The following CACNA1C variants were observed in gnomAD, a reference collection of about 807,000 sequenced individuals.
CACNA1C encodes voltage-dependent L-type calcium channel subunit alpha-1C.
CACNA1C carries 30 observed loss-of-function variants against 229.0 expected under a neutral mutation model. The observed-to-expected ratio is 0.13, with a 90% CI of 0.10 to 0.18. CACNA1C has a LOEUF of 0.18. Ranked by LOEUF, CACNA1C falls within the 10% of genes least tolerant of loss-of-function variation. The probability of loss-of-function intolerance (pLI) is 1.00; values close to 1 mark genes in which losing one functional copy is unlikely to be tolerated. For synonymous variants in CACNA1C, 1,114 were observed against 1,132.5 expected (o/e 0.98, Z 0.33); for missense variants, 1,658 against 2,845.0 (o/e 0.58, Z 9.49).
At chr12:2,103,398 C>T (rs1393908437) in intron 1 of CACNA1C, among the ~76,000 whole-genome samples, 1 of 152,148 alleles carries the variant, frequency 6.6e-6, no homozygotes, top group African/African-American at 2.4e-5. Context: ...AGTGTCTGTT[C>T]ATATCCTTTA....
chr12:2,195,659 C>T (rs563518227), intron 3 of CACNA1C, among the ~76,000 whole-genome samples: 27 of 152,200 alleles, frequency 1.8e-4, no homozygotes, highest in Non-Finnish European at 3.8e-4. Context: ...GATGGATGAG[C>T]ATCCTAAACA....
chr12:2,193,890 T>C (rs1465547346), intron 3 of CACNA1C, among the ~76,000 whole-genome samples: 1 of 152,198 alleles, frequency 6.6e-6, no homozygotes, highest in African/African-American at 2.4e-5. Flanking sequence ...TGTCTTGGTA[T>C]TGAAGACAGT....
intron 45 of CACNA1C, among the ~76,000 whole-genome samples, chr12:2,687,337 C>T (rs1025667471): frequency 3.3e-5 from 5 of 152,202 alleles, no homozygotes; most frequent in African/African-American, 1.2e-4. Context: ...CTCTTCATCT[C>T]TTTCTCCTCC....
intron 1 of CACNA1C, among the ~76,000 whole-genome samples, chr12:2,023,436 G>A (rs2046801505): frequency 6.6e-6 from 1 of 152,124 alleles, no homozygotes; most frequent in South Asian, 2.1e-4. Context: ...CCTGTCACAG[G>A]AAATTTATGG....
At chr12:2,309,267 T>C (rs1400000945) in intron 3 of CACNA1C, among the ~76,000 whole-genome samples, 2 of 152,134 alleles carry the variant, frequency 1.3e-5, no homozygotes, top group Non-Finnish European at 2.9e-5. Flanking sequence ...GTGATCTCAA[T>C]TGTATGTGGA....
At position 2,443,484 on chromosome 12, in the gene CACNA1C, T is replaced by C. The variant is rs142231298; in HGVS notation, c.478-5492T>C. ...TCATTCTCTCTTCTGCAGTTGTTCG[T>C]ACCTCCTCTACACTATCCAACCTTA... On this transcript the variant is annotated intron_variant, in intron 3 of 46. Coordinates refer to ENST00000399655, the MANE Select transcript of CACNA1C (RefSeq NM_000719.7). 8.3e-4 allele frequency among the ~76,000 whole-genome samples: 126 copies of C among 152,228 alleles called. 1 individual carries two copies. In the South Asian group the frequency reaches 0.02, roughly 24 times the overall value.
Position 2,275,349 on chromosome 12 carries a change from C to T in CACNA1C, c.477+154919C>T, listed in dbSNP as rs968676459. Among the ~76,000 whole-genome samples the T allele has an allele frequency of 3.3e-5, 5 of 152,140 alleles. No homozygotes were observed. Among genetic ancestry groups the T allele is most frequent in the Non-Finnish European group, 7.4e-5 (5 of 68,018 alleles). On this transcript the variant is annotated intron_variant, in intron 3 of 46. Coordinates refer to ENST00000399655, the MANE Select transcript of CACNA1C (RefSeq NM_000719.7). The surrounding 1 kb of genome is among the most constrained non-coding windows in gnomAD (Gnocchi z 4.1). ...CTGTCTGTGGACCCCGACTCCTCAC[C>T]ATCACCCAACAGGGGACAGTCCTGC...
At position 2,601,707 on chromosome 12, in the gene CACNA1C, C is replaced by G. The variant is rs143255332; in HGVS notation, c.2854-147C>G. ...GGTAGCAGAACTCTTTTCTTGGCAC[C>G]ATAGCGCCGTCTTTGTCCTTCCTGT... is the stretch of plus-strand genomic sequence containing the variant. On this transcript the variant is annotated intron_variant, in intron 21 of 46. Transcript: ENST00000399655. This position sits in a 1 kb window ranked among gnomAD's most constrained non-coding sequence, Gnocchi z 5.9. 1.5e-6 allele frequency: 1 copy of G among 665,934 alleles called. No individual in the cohort carries two copies. The highest frequency in any genetic ancestry group is 1.8e-5 in the African/African-American group (1 of 56,408). 41.3% of individuals were successfully genotyped at this position (665,934 alleles called of 1,614,324 possible).
intron 3 of CACNA1C, among the ~76,000 whole-genome samples, chr12:2,163,796 G>A (rs530153261): frequency 1.4e-4 from 22 of 152,244 alleles, no homozygotes; most frequent in Admixed American, 1.1e-3. Flanking sequence ...ATGGCTCGGC[G>A]GGGTCACGGC....
At chr12:2,002,205 TC>T (rs2154479404) in intron 1 of CACNA1C, among the ~76,000 whole-genome samples, 1 of 152,216 alleles carries the variant, frequency 6.6e-6, no homozygotes, top group Non-Finnish European at 1.5e-5. Context: ...CTCCTTAAGA[TC>T]CCCCCTGCCT....
intron 1 of CACNA1C, among the ~76,000 whole-genome samples, chr12:2,082,325 C>T (rs1311235753): frequency 6.6e-6 from 1 of 152,114 alleles, no homozygotes; most frequent in Non-Finnish European, 1.5e-5. Flanking sequence ...CCCGCTTTTC[C>T]CCTCTCACAC....
chr12:2,444,320 A>G (rs1275533857), intron 3 of CACNA1C, among the ~76,000 whole-genome samples: 1 of 152,184 alleles, frequency 6.6e-6, no homozygotes, highest in Non-Finnish European at 1.5e-5. Flanking sequence ...TTAATTAGAT[A>G]ACCTTTAAGT....
At position 2,649,712 on chromosome 12, in the gene CACNA1C, C is replaced by T. The variant is rs2094736685; in HGVS notation, c.3945+1205C>T. The stretch of plus-strand genomic sequence containing the variant: ...TTGTTTGTTTATTTTGTTTTTTTAA[C>T]TGAGCAGATCCAGATGCCCCTGTGG... On this transcript the variant is annotated intron_variant, in intron 31 of 46. Transcript: ENST00000399655. The surrounding 1 kb of genome is among the most constrained non-coding windows in gnomAD (Gnocchi z 4.4). Among the ~76,000 whole-genome samples, 2 of 151,878 alleles carry T rather than the reference C, an allele frequency of 1.3e-5. No individual in the cohort carries two copies. The highest frequency in any genetic ancestry group is 4.1e-4 in the South Asian group (2 of 4,820).
intron 13 of CACNA1C, 43 bp downstream of exon 13, chr12:2,567,837 G>A (rs2051991267): frequency 7.0e-6 from 9 of 1,286,346 alleles, no homozygotes; most frequent in Non-Finnish European, 1.0e-5. Context: ...GACTCAGGAA[G>A]AAGTTCTTCC....
intron 1 of CACNA1C, among the ~76,000 whole-genome samples, chr12:2,081,879 T>C (rs1172804345): frequency 6.6e-6 from 1 of 152,216 alleles, no homozygotes. Flanking sequence ...TACCCAGACA[T>C]TGACCTTTGG....
chr12:2,219,995 A>G (rs2154348820), intron 3 of CACNA1C, among the ~76,000 whole-genome samples: 1 of 152,294 alleles, frequency 6.6e-6, no homozygotes, highest in African/African-American at 2.4e-5. Flanking sequence ...GCTGCTTTCC[A>G]TGATAGAAAG....
intron 3 of CACNA1C, among the ~76,000 whole-genome samples, chr12:2,204,613 A>G (rs2097696580): frequency 6.6e-6 from 1 of 151,624 alleles, no homozygotes. Flanking sequence ...CTATGCAGCC[A>G]TAAAAAATGA....
chr12:2,691,635 AGGGAGC>A lies in CACNA1C; in HGVS notation c.*440_*445del, dbSNP rs1363105636. The A allele has an allele frequency of 6.4e-6, 1 of 155,764 alleles. No individual in the cohort carries two copies. The highest frequency in any genetic ancestry group is 1.4e-5 in the Non-Finnish European group (1 of 70,372). 9.6% of individuals were successfully genotyped at this position (155,764 alleles called of 1,614,324 possible). On this transcript the variant is annotated 3_prime_UTR_variant, in exon 47 of 47. Transcript: ENST00000399655. The stretch of plus-strand genomic sequence containing the variant: ...AGCCAGGGCCCTGCGGATTTGGAGA[AGGGAGC>A]GGGGCAGGACTTCCAGGAGGACCCC...
chr12:2,513,012 G>A (rs1180296918), intron 9 of CACNA1C, 28 bp downstream of exon 9: 8 of 1,566,098 alleles, frequency 5.1e-6, no homozygotes, highest in Non-Finnish European at 4.3e-6. Context: ...TCTGTGTTTG[G>A]GCTGGGTTCT....
Sources: allele counts gnomAD v4.1 joint callset (sites outside exome capture counted in the v4.1 genomes callset), GRCh38; gene constraint gnomAD v4.1.1; non-coding constraint Gnocchi (gnomAD v3.1); transcripts MANE v1.5; gene names NCBI Gene and HGNC (gene_info 2026-07-23, HGNC 2026-07-21).